GPHN: variants seen among roughly 807,000 people sequenced by gnomAD.
The protein encoded by GPHN is gephyrin.
A neutral mutation model predicts 95.5 loss-of-function variants in GPHN; 17 were observed. That is an observed-to-expected ratio of 0.18 (90% CI 0.12 to 0.27). The LOEUF is 0.27. Ranked by LOEUF, GPHN falls within the 10% of genes least tolerant of loss-of-function variation. The probability of loss-of-function intolerance (pLI) is 1.00; values close to 1 mark genes in which losing one functional copy is unlikely to be tolerated. For missense variants in GPHN, 660 were observed against 978.1 expected (o/e 0.67, Z 4.34); for synonymous variants, 320 against 322.5 (o/e 0.99, Z 0.08).
At chr14:67,234,702 A>G in the GPHN span, among the ~76,000 whole-genome samples, 2 of 151,956 alleles carry the variant, frequency 1.3e-5, no homozygotes, top group African/African-American at 4.8e-5. Context: ...GGCTTGCACT[A>G]CCAAGCCTAG....
chr14:66,553,991 CTCTA>C (rs1288267148), intron 1 of GPHN, among the ~76,000 whole-genome samples: 4 of 152,114 alleles, frequency 2.6e-5, no homozygotes, highest in South Asian at 2.1e-4. Flanking sequence ...GTTTCTTTGA[CTCTA>C]TCTTCTCTTT....
rs1185868334 is a variant in GPHN at position 67,175,483 on chromosome 14, T to C, written c.2080-4095T>C. Among the ~76,000 whole-genome samples the C allele has an allele frequency of 2.6e-5, 4 of 152,184 alleles. 1 individual carries two copies. The East Asian group carries it at 7.7e-4, about 29-fold the overall frequency. The stretch of plus-strand genomic sequence containing the variant: ...TCATGCTGTTTTGGTTACTATAGCA[T>C]TGTAGTATAGTTTGCAGTCAGGTAG... On this transcript the variant is annotated intron_variant, in intron 21 of 22. Coordinates refer to ENST00000478722, the MANE Select transcript of GPHN (RefSeq NM_020806.5).
intron 1 of GPHN, among the ~76,000 whole-genome samples, chr14:66,658,513 A>AT (rs2065443522): frequency 6.6e-6 from 1 of 152,142 alleles, no homozygotes; most frequent in African/African-American, 2.4e-5. Context: ...GGGCAACTTC[A>AT]TTGTTATCTT....
At chr14:67,302,004 G>A in the GPHN span, 1 of 1,607,160 alleles carries the variant, frequency 6.2e-7, no homozygotes, top group East Asian at 2.2e-5. Flanking sequence ...AGGTTGCTGA[G>A]CAGGAAATGC....
chr14:67,414,883 C>G, the GPHN span, among the ~76,000 whole-genome samples: 6 of 152,230 alleles, frequency 3.9e-5, no homozygotes, highest in Non-Finnish European at 1.5e-5. Context: ...ACCCTCAAAG[C>G]CCAGGGAAAT....
the GPHN span, chr14:67,395,411 A>T: frequency 6.2e-7 from 1 of 1,613,750 alleles, no homozygotes. Context: ...CTGCAGGCTG[A>T]TGTGCGGGGG....
At chr14:66,891,945 C>T (rs1316758303) in intron 5 of GPHN, among the ~76,000 whole-genome samples, 2 of 152,042 alleles carry the variant, frequency 1.3e-5, no homozygotes, top group Admixed American at 6.6e-5. Context: ...ACACCCATTA[C>T]GTTGGCTGTT....
At chr14:66,956,146 T>G (rs2068492809) in intron 8 of GPHN, among the ~76,000 whole-genome samples, 1 of 152,186 alleles carries the variant, frequency 6.6e-6, no homozygotes, top group Non-Finnish European at 1.5e-5. Context: ...TTATACTTTA[T>G]TTTATAGTTT....
chr14:66,529,677 A>T (rs2058833812), intron 1 of GPHN, among the ~76,000 whole-genome samples: 1 of 152,014 alleles, frequency 6.6e-6, no homozygotes, highest in South Asian at 2.1e-4. Flanking sequence ...GTTAATGTTG[A>T]TGCTATCCCT....
At chr14:66,992,774 G>T (rs1380544740) in intron 9 of GPHN, among the ~76,000 whole-genome samples, 1 of 152,028 alleles carries the variant, frequency 6.6e-6, no homozygotes, top group Non-Finnish European at 1.5e-5. Context: ...TTTATAAATT[G>T]TGGAGAAACA....
the GPHN span, among the ~76,000 whole-genome samples, chr14:67,306,082 G>T: frequency 6.6e-6 from 1 of 152,108 alleles, no homozygotes; most frequent in African/African-American, 2.4e-5. Flanking sequence ...CAGTTCTCCT[G>T]CTTCAGCCTC....
chr14:67,311,436 CAG>C, the GPHN span, among the ~76,000 whole-genome samples: 3 of 151,800 alleles, frequency 2.0e-5, no homozygotes, highest in Admixed American at 6.6e-5. Flanking sequence ...CTATGTGTGA[CAG>C]AAATGCTCAC....
chr14:66,868,653 C>A (rs1182013474), intron 4 of GPHN, among the ~76,000 whole-genome samples: 1 of 152,108 alleles, frequency 6.6e-6, no homozygotes, highest in East Asian at 1.9e-4. Flanking sequence ...CTTGGCTTCC[C>A]AAGGTGCTGG....
intron 9 of GPHN, among the ~76,000 whole-genome samples, chr14:66,977,044 T>C (rs1303072777): frequency 2.0e-5 from 3 of 152,140 alleles, no homozygotes; most frequent in Non-Finnish European, 4.4e-5. Flanking sequence ...GACATGAGTA[T>C]TTCTTTTCAG....
intron 1 of GPHN, among the ~76,000 whole-genome samples, chr14:66,571,172 G>A (rs1025645884): frequency 2.6e-5 from 4 of 152,176 alleles, no homozygotes; most frequent in Non-Finnish European, 5.9e-5. Context: ...AGAAGGTAAA[G>A]GGGAAGCAAA....
At chr14:67,038,675 T>G (rs748516953) in intron 10 of GPHN, among the ~76,000 whole-genome samples, 10 of 152,146 alleles carry the variant, frequency 6.6e-5, no homozygotes, top group Non-Finnish European at 1.3e-4. Context: ...TCTTCCAAGC[T>G]CCAGATTCTC....
At chr14:67,727,132 T>C in the GPHN span, 3 of 1,614,214 alleles carry the variant, frequency 1.9e-6, no homozygotes, top group South Asian at 2.2e-5. Flanking sequence ...GTTTTGCCTA[T>C]TGCCACAGCA....
At chr14:67,448,507 T>C in the GPHN span, among the ~76,000 whole-genome samples, 1,401 of 152,248 alleles carry the variant, frequency 9.2e-3, 11 homozygotes, top group African/African-American at 0.032. Flanking sequence ...GCCAACCTCT[T>C]AGCCAACCAG....
rs1190257869 is a variant in GPHN at position 67,179,957 on chromosome 14, A to T, written c.2176+283A>T. Reference sequence around the variant, plus strand: ...TAAATCTGGAATTACAGAAGATTTGATATGTTTGTTCAACCAATAAGTTCT... The same window carrying T: ...TAAATCTGGAATTACAGAAGATTTGTTATGTTTGTTCAACCAATAAGTTCT... On this transcript the variant is annotated intron_variant, in intron 22 of 22. Coordinates refer to ENST00000478722, the MANE Select transcript of GPHN (RefSeq NM_020806.5). Among the ~76,000 whole-genome samples, 5 of 152,318 alleles carry T rather than the reference A, an allele frequency of 3.3e-5. No homozygotes were observed. In the South Asian group the frequency reaches 1.0e-3, roughly 32 times the overall value.
Sources: allele counts gnomAD v4.1 joint callset (sites outside exome capture counted in the v4.1 genomes callset), GRCh38; gene constraint gnomAD v4.1.1; transcripts MANE v1.5; gene names NCBI Gene and HGNC (gene_info 2026-07-23, HGNC 2026-07-21).